KLHL24: variants seen among roughly 807,000 people sequenced by gnomAD.
KLHL24 encodes the protein kelch like family member 24, also known as kelch-like protein 24.
KLHL24 carries 29 observed loss-of-function variants against 53.4 expected under a neutral mutation model. That is an observed-to-expected ratio of 0.54 (90% confidence interval 0.40 to 0.74). The LOEUF (loss-of-function observed/expected upper bound fraction) is 0.74. Among genes scored for constraint, KLHL24 ranks in the 30% least tolerant of loss-of-function variants. The pLI is 0.00. For synonymous variants in KLHL24, 222 were observed against 253.7 expected, an observed-to-expected ratio of 0.88 and a Z score of 1.19; for missense variants, 504 against 744.0, an observed-to-expected ratio of 0.68 and a Z score of 3.75.
chr3:183,659,730 CAGA>C (rs376233085), intron 3 of KLHL24, among the ~76,000 whole-genome samples: 50,691 of 151,890 alleles, frequency 0.33, 9,257 homozygotes, highest in African/African-American at 0.49. Context: ...ATATATGTGG[CAGA>C]AACACATAGG....
intron 2 of KLHL24, among the ~76,000 whole-genome samples, chr3:183,648,266 G>T (rs1717614024): frequency 6.6e-6 from 1 of 152,132 alleles, no homozygotes; most frequent in Admixed American, 6.6e-5. Context: ...ACATGAAAAA[G>T]AAGAGAATAC....
rs1466177620 is a variant in KLHL24, at chr3:183,684,504, T to C, written c.*5218T>C. On this transcript the variant is annotated 3_prime_UTR_variant, in exon 8 of 8. Coordinates refer to ENST00000242810, the MANE Select transcript of KLHL24 (RefSeq NM_017644.3). ...TACTTGACTATATGGTTGTATTAAATTTTGTTTACGAAAAATTTGTTGTTC... is the reference window on the plus strand; with the variant it reads ...TACTTGACTATATGGTTGTATTAAACTTTGTTTACGAAAAATTTGTTGTTC... 1 of 152,626 alleles carries C rather than the reference T, an allele frequency of 6.6e-6. No homozygotes were observed. The highest frequency in any genetic ancestry group is 2.4e-5 in the African/African-American group (1 of 41,454). The allele number at this position is 152,626 out of a possible 1,614,324, so 9.5% of individuals were successfully genotyped here.
chr3:183,663,329 GC>G lies in KLHL24; in HGVS notation c.921-128del, dbSNP rs1485724267. On this transcript the variant is annotated intron_variant, in intron 3 of 7. Coordinates refer to ENST00000242810, the MANE Select transcript of KLHL24 (RefSeq NM_017644.3). The surrounding 1 kb of genome is among the most constrained non-coding windows in gnomAD (Gnocchi z 4.9). The stretch of plus-strand genomic sequence containing the variant: ...TTCCAGGCTGTACCGTTTGGCACAT[GC>G]ACAGAGAAGAAACTTAACTGTTTAT... 2.6e-5 allele frequency: 11 copies of G among 426,528 alleles called. No individual in the cohort carries two copies. 26.4% of individuals were successfully genotyped at this position (426,528 alleles called of 1,614,324 possible).
chr3:183,648,108 A>G (rs890667481), intron 2 of KLHL24, among the ~76,000 whole-genome samples: 1 of 152,208 alleles, frequency 6.6e-6, no homozygotes, highest in African/African-American at 2.4e-5. Flanking sequence ...GGCATATAAT[A>G]AATATTTGTT....
rs1712401103 is a variant in KLHL24 at position 183,679,093 on chromosome 3, G to C, written c.1610G>C (p.Cys537Ser). ...VQNTFSRQEN[C>S]GMSVCNGKIY... is the part of the protein sequence containing the mutation. ...ATATATTTGGTTAAACAGGAAAACT[G>C]TGGTATGTCTGTGTGTAATGGTAAA... The change falls in exon 8 of 8, where the codon TGT (cysteine) becomes TCT (serine). Residue 537 changes from cysteine to serine, a missense_variant. Coordinates refer to ENST00000242810, the MANE Select transcript of KLHL24 (RefSeq NM_017644.3). 1 of 1,612,500 alleles carries C rather than the reference G, an allele frequency of 6.2e-7. No homozygotes were observed. Among genetic ancestry groups the C allele is most frequent in the East Asian group, 2.2e-5 (1 of 44,880 alleles).
chr3:183,666,609 A>G (rs10937145), intron 5 of KLHL24, among the ~76,000 whole-genome samples: 48,274 of 152,006 alleles, frequency 0.32, 8,193 homozygotes, highest in East Asian at 0.48. Flanking sequence ...CATTATATTC[A>G]TTGAGCATCC....
intron 5 of KLHL24, 82 bp from the exon 6 acceptor site, chr3:183,670,952 A>C: frequency 4.4e-6 from 4 of 909,112 alleles, no homozygotes; most frequent in East Asian, 2.4e-5. Flanking sequence ...TTTAAAGAGA[A>C]GAGATCCCTT....
chr3:183,651,625 T>C (rs938179411), intron 3 of KLHL24, among the ~76,000 whole-genome samples: 2 of 152,078 alleles, frequency 1.3e-5, no homozygotes, highest in African/African-American at 4.8e-5. Context: ...TAGCTAAGAT[T>C]TTAGTAGGCT....
At chr3:183,640,600 CTTT>C (rs761361160) in intron 1 of KLHL24, among the ~76,000 whole-genome samples, 2 of 61,656 alleles carry the variant, frequency 3.2e-5, no homozygotes, top group Non-Finnish European at 6.0e-5. Flanking sequence ...TTTCTTTTTT[CTTT>C]TTTTTTTTTT....
At chr3:183,674,287 C>A (rs1721808385) in intron 7 of KLHL24, among the ~76,000 whole-genome samples, 1 of 149,514 alleles carries the variant, frequency 6.7e-6, no homozygotes, top group African/African-American at 2.5e-5. Context: ...TTCTTTCTTT[C>A]TTTCTTTCTT....
chr3:183,640,332 A>AT (rs1392605232), intron 1 of KLHL24, among the ~76,000 whole-genome samples: 5 of 151,866 alleles, frequency 3.3e-5, no homozygotes, highest in Non-Finnish European at 7.4e-5. Context: ...AGAAATTCAT[A>AT]TTTTTTTTCC....
At chr3:183,641,508 G>A (rs1009212443) in intron 1 of KLHL24, among the ~76,000 whole-genome samples, 5 of 147,126 alleles carry the variant, frequency 3.4e-5, no homozygotes, top group East Asian at 2.0e-4. Flanking sequence ...TTACTATATT[G>A]CAATTATTTT....
chr3:183,637,008 G>A (rs1206127767), intron 1 of KLHL24, among the ~76,000 whole-genome samples: 4 of 152,180 alleles, frequency 2.6e-5, no homozygotes, highest in Non-Finnish European at 5.9e-5. Flanking sequence ...CGGGTGGTTC[G>A]CAGGAAGTCC....
chr3:183,663,457 G>T lies in KLHL24; in HGVS notation c.921-1G>T. 1 of 1,425,826 alleles carries T rather than the reference G, an allele frequency of 7.0e-7. No individual in the cohort carries two copies. The highest frequency in any genetic ancestry group is 1.6e-5 in the South Asian group (1 of 61,288). 88.3% of individuals were successfully genotyped at this position (1,425,826 alleles called of 1,614,324 possible). A position where few individuals can be genotyped will look rare whatever the true frequency, so the allele number is the denominator to read the frequency against. On this transcript the variant is annotated splice_acceptor_variant, in intron 3 of 7. Coordinates refer to ENST00000242810, the MANE Select transcript of KLHL24 (RefSeq NM_017644.3). LOFTEE classifies it high-confidence loss of function. This position sits in a 1 kb window ranked among gnomAD's most constrained non-coding sequence, Gnocchi z 4.9. ...ATGTACGCTAATAATTATTATTTTA[G>T]GTCCACTGGCTATTCTGAGGTGATA...
Position 183,682,752 on chromosome 3 carries a change from C to T in KLHL24, c.*3466C>T, listed in dbSNP as rs968686409. Reference sequence around the variant, plus strand: ...CAGGAAAGACAAAGGTTCAATTACACCACTTTTGTCAATAAGCAAACCAGG... The same window carrying T: ...CAGGAAAGACAAAGGTTCAATTACATCACTTTTGTCAATAAGCAAACCAGG... On this transcript the variant is annotated 3_prime_UTR_variant, in exon 8 of 8. Transcript: ENST00000242810. The T allele has an allele frequency of 2.6e-5, 4 of 152,416 alleles. No homozygotes were observed. The highest frequency in any genetic ancestry group is 2.6e-4 in the Admixed American group (4 of 15,250). The allele number at this position is 152,416 out of a possible 1,614,324, so 9.4% of individuals were successfully genotyped here. A position where few individuals can be genotyped will look rare whatever the true frequency, so the allele number is the denominator to read the frequency against.
chr3:183,668,458 A>C (rs551586223), intron 5 of KLHL24, among the ~76,000 whole-genome samples: 21 of 152,212 alleles, frequency 1.4e-4, no homozygotes, highest in Non-Finnish European at 2.2e-4. Context: ...CATTTTGCTA[A>C]AATTACAATA....
At chr3:183,669,674 T>C (rs1490731842) in intron 5 of KLHL24, among the ~76,000 whole-genome samples, 1 of 152,126 alleles carries the variant, frequency 6.6e-6, no homozygotes, top group Non-Finnish European at 1.5e-5. Context: ...GAAGGACAAG[T>C]TATGAAATGT....
chr3:183,647,151 T>C (rs1228956117), intron 2 of KLHL24, among the ~76,000 whole-genome samples: 3 of 147,968 alleles, frequency 2.0e-5, no homozygotes, highest in Non-Finnish European at 4.5e-5. Flanking sequence ...CTGGGCGCAG[T>C]GGCTTATGCC....
At chr3:183,668,491 A>G (rs532434625) in intron 5 of KLHL24, among the ~76,000 whole-genome samples, 1 of 152,338 alleles carries the variant, frequency 6.6e-6, no homozygotes, top group East Asian at 1.9e-4. Context: ...AAGCTTATAA[A>G]ACATACTTAA....
Sources: gnomAD v4.1 joint callset for allele counts (sites outside exome capture counted in the v4.1 genomes callset) on GRCh38, gnomAD v4.1.1 for gene constraint, Gnocchi (gnomAD v3.1) non-coding constraint, MANE v1.5 for transcripts, NCBI Gene and HGNC (gene_info 2026-07-23, HGNC 2026-07-21) for gene names.